The following PPP3CA variants were observed in gnomAD, a reference collection of about 807,000 sequenced individuals.
PPP3CA encodes the protein protein phosphatase 3 catalytic subunit alpha.
PPP3CA carries 14 observed loss-of-function variants against 66.5 expected under a neutral mutation model. That is an observed-to-expected ratio of 0.21 (90% CI 0.14 to 0.33). PPP3CA has a LOEUF of 0.33. PPP3CA is among the 10% of genes least tolerant of loss of function. The pLI is 1.00. For missense variants in PPP3CA, 317 were observed against 639.5 expected, an observed-to-expected ratio of 0.50 and a Z score of 5.44; for synonymous variants, 232 against 226.2, an observed-to-expected ratio of 1.03 and a Z score of -0.23.
At chr4:101,248,668 T>C (rs889771524) in intron 1 of PPP3CA, among the ~76,000 whole-genome samples, 6 of 152,222 alleles carry the variant, frequency 3.9e-5, no homozygotes, top group African/African-American at 1.4e-4. Context: ...CCTTTTTGCA[T>C]TTCAGATTAC....
At chr4:101,315,436 A>C (rs1728855565) in intron 1 of PPP3CA, among the ~76,000 whole-genome samples, 1 of 152,226 alleles carries the variant, frequency 6.6e-6, no homozygotes, top group Non-Finnish European at 1.5e-5. Flanking sequence ...TCACATAATC[A>C]GTAAAATTCA....
chr4:101,045,258 G>A (rs535334514), intron 10 of PPP3CA, among the ~76,000 whole-genome samples: 21 of 152,292 alleles, frequency 1.4e-4, no homozygotes, highest in African/African-American at 3.4e-4. Flanking sequence ...ACAATAGACC[G>A]TGACAAATAT....
intron 1 of PPP3CA, among the ~76,000 whole-genome samples, chr4:101,267,364 A>G (rs1270733377): frequency 1.3e-5 from 2 of 152,184 alleles, no homozygotes; most frequent in African/African-American, 4.8e-5. Flanking sequence ...TTTCCAACCA[A>G]TATTTCTCAG....
At chr4:101,331,543 C>A (rs181467565) in intron 1 of PPP3CA, among the ~76,000 whole-genome samples, 2 of 152,124 alleles carry the variant, frequency 1.3e-5, no homozygotes, top group Admixed American at 1.3e-4. Context: ...ATCCATCGTG[C>A]GTACAACAGA....
At chr4:101,118,978 TTA>T (rs1288869564) in intron 2 of PPP3CA, among the ~76,000 whole-genome samples, 41 of 147,830 alleles carry the variant, frequency 2.8e-4, no homozygotes, top group African/African-American at 1.0e-3. Flanking sequence ...TTTTTTTTTT[TTA>T]AACAATGAAG....
intron 1 of PPP3CA, among the ~76,000 whole-genome samples, chr4:101,282,275 G>GA (rs1181732562): frequency 2.0e-5 from 3 of 152,028 alleles, no homozygotes; most frequent in South Asian, 2.1e-4. Flanking sequence ...AGTGGCAACA[G>GA]AAAAAAACTA....
At chr4:101,261,097 T>G (rs1015231896) in intron 1 of PPP3CA, among the ~76,000 whole-genome samples, 1 of 152,156 alleles carries the variant, frequency 6.6e-6, no homozygotes, top group Admixed American at 6.5e-5. Flanking sequence ...AGTCTCTAGC[T>G]AAACACTTTA....
At chr4:101,071,171 G>C (rs1728901854) in intron 8 of PPP3CA, among the ~76,000 whole-genome samples, 1 of 152,142 alleles carries the variant, frequency 6.6e-6, no homozygotes, top group Admixed American at 6.6e-5. Flanking sequence ...ACTCTGGTGG[G>C]AGGTATTTTG....
chr4:101,237,565 T>A (rs2110230210), intron 1 of PPP3CA, among the ~76,000 whole-genome samples: 1 of 152,196 alleles, frequency 6.6e-6, no homozygotes, highest in East Asian at 1.9e-4. Context: ...GCTCTTTAGC[T>A]TCTTACTCTA....
chr4:101,272,013 G>T (rs143984244), intron 1 of PPP3CA, among the ~76,000 whole-genome samples: 170 of 152,006 alleles, frequency 1.1e-3, no homozygotes, highest in Non-Finnish European at 1.9e-3. Context: ...TAATAGTTAG[G>T]AATAATGAAA....
chr4:101,277,018 T>C (rs1199389758), intron 1 of PPP3CA, among the ~76,000 whole-genome samples: 2 of 151,950 alleles, frequency 1.3e-5, no homozygotes, highest in South Asian at 2.1e-4. Context: ...CCTGATATTT[T>C]CAGGTCCTAA....
At chr4:101,323,029 T>C (rs530318113) in intron 1 of PPP3CA, among the ~76,000 whole-genome samples, 5 of 152,316 alleles carry the variant, frequency 3.3e-5, no homozygotes, top group South Asian at 2.1e-4. Flanking sequence ...AAATAGAGCA[T>C]GTATTTCTCA....
intron 10 of PPP3CA, among the ~76,000 whole-genome samples, chr4:101,046,389 T>C (rs1045948468): frequency 5.3e-5 from 8 of 152,162 alleles, no homozygotes; most frequent in Non-Finnish European, 1.2e-4. Context: ...CTAGCAGACC[T>C]TTCCCAATTG....
At chr4:101,346,673 G>A in intron 1 of PPP3CA, 66 bp downstream of exon 1, 1 of 1,414,696 alleles carries the variant, frequency 7.1e-7, no homozygotes, top group Non-Finnish European at 9.8e-7. Flanking sequence ...GAAAGGCGAG[G>A]CGAGGCAAGC....
intron 1 of PPP3CA, among the ~76,000 whole-genome samples, chr4:101,239,274 T>G (rs1726225293): frequency 6.6e-6 from 1 of 152,126 alleles, no homozygotes; most frequent in Non-Finnish European, 1.5e-5. Flanking sequence ...TCAACAAAAT[T>G]TAAACATTTG....
At chr4:101,125,887 C>A (rs1722228870) in intron 2 of PPP3CA, among the ~76,000 whole-genome samples, 1 of 152,156 alleles carries the variant, frequency 6.6e-6, no homozygotes, top group Admixed American at 6.5e-5. Context: ...TGAAGCCATT[C>A]TTTCTGGCTA....
chr4:101,320,452 ATATG>A lies in PPP3CA; in HGVS notation c.58+26283_58+26286del, dbSNP rs535586811. On this transcript the variant is annotated intron_variant, in intron 1 of 13. Transcript: ENST00000394854. ...TACACACACATACACAAAACCACTC[ATATG>A]TATGTATGTATGTATGTATGTGTGT... Among the ~76,000 whole-genome samples, 555 of 147,174 alleles carry A rather than the reference ATATG, an allele frequency of 3.8e-3. 3 individuals are homozygous for A. Among genetic ancestry groups the A allele is most frequent in the African/African-American group, 7.4e-3 (288 of 39,106 alleles).
intron 11 of PPP3CA, 51 bp from the exon 12 acceptor site, chr4:101,032,415 AAG>A (rs1727012277): frequency 4.0e-6 from 6 of 1,488,796 alleles, no homozygotes; most frequent in Non-Finnish European, 5.5e-6. Context: ...TTTTGTGAAA[AAG>A]AAAGAAATGA....
At chr4:101,175,253 A>C (rs1022047427) in intron 2 of PPP3CA, among the ~76,000 whole-genome samples, 3 of 152,190 alleles carry the variant, frequency 2.0e-5, no homozygotes, top group African/African-American at 7.2e-5. Context: ...ATTAAAGGGA[A>C]GACTAAAGTT....
Sources: gnomAD v4.1 joint callset for allele counts (sites outside exome capture counted in the v4.1 genomes callset) on GRCh38, gnomAD v4.1.1 for gene constraint, MANE v1.5 for transcripts, NCBI Gene and HGNC (gene_info 2026-07-23, HGNC 2026-07-21) for gene names.